The following SETBP1 variants were observed in gnomAD, a reference collection of about 807,000 sequenced individuals.
SETBP1 encodes the protein SET-binding protein.
SETBP1 carries 9 observed loss-of-function variants against 101.0 expected under a neutral mutation model. The ratio of observed to expected loss-of-function variants is 0.09; its 90% CI spans 0.05 to 0.16. The LOEUF (loss-of-function observed/expected upper bound fraction) is 0.16. Among genes scored for constraint, SETBP1 ranks in the 10% least tolerant of loss-of-function variants. SETBP1 has a pLI of 1.00. For synonymous variants in SETBP1, 818 were observed against 788.5 expected (o/e 1.04, Z -0.63); for missense variants, 1,858 against 2,033.8 (o/e 0.91, Z 1.66).
At chr18:44,762,138 C>CTT (rs55990761) in intron 2 of SETBP1, among the ~76,000 whole-genome samples, 52,757 of 149,130 alleles carry the variant, frequency 0.35, 9,425 homozygotes, top group East Asian at 0.42. Flanking sequence ...CTTCTAAACA[C>CTT]TTTTTTTTTT....
In SETBP1 at chr18:44,951,353, A is replaced by G. The variant is rs1476886999; in HGVS notation, c.2013A>G (p.Thr671=). The G allele has an allele frequency of 6.2e-7, 1 of 1,614,022 alleles. No homozygotes were observed. Among genetic ancestry groups the G allele is most frequent in the Admixed American group, 1.7e-5 (1 of 60,024 alleles). ...KTIKTINKMK[T]LKRKNILNQI... is the part of the protein sequence containing the mutation. Reference sequence around the variant, plus strand: ...TCAAAACTATCAATAAGATGAAGACACTCAAGAGGAAAAACATCTTGAATC... The same window carrying G: ...TCAAAACTATCAATAAGATGAAGACGCTCAAGAGGAAAAACATCTTGAATC... The change falls in exon 4 of 6, where the codon ACA becomes ACG. Residue 671 remains threonine, a synonymous_variant. Transcript: ENST00000649279. The surrounding 1 kb of genome is among the most constrained non-coding windows in gnomAD (Gnocchi z 7.8).
At chr18:44,948,986 A>ATT (rs11395580) in intron 3 of SETBP1, among the ~76,000 whole-genome samples, 43 of 151,382 alleles carry the variant, frequency 2.8e-4, no homozygotes, top group East Asian at 5.8e-4. Context: ...AATGACAACT[A>ATT]TTTTTTTTTC....
chr18:44,866,453 T>C (rs968478171), intron 2 of SETBP1, among the ~76,000 whole-genome samples: 25 of 152,376 alleles, frequency 1.6e-4, no homozygotes, highest in African/African-American at 5.3e-4. Flanking sequence ...TATTTAGTGA[T>C]AATTTTATGT....
chr18:44,941,272 C>T (rs1599353330), intron 3 of SETBP1, among the ~76,000 whole-genome samples: 1 of 151,534 alleles, frequency 6.6e-6, no homozygotes, highest in African/African-American at 2.4e-5. Flanking sequence ...TTTTAGTAGA[C>T]ACGGGGTTTT....
intron 4 of SETBP1, among the ~76,000 whole-genome samples, chr18:45,023,326 T>C (rs2073105206): frequency 6.6e-6 from 1 of 152,238 alleles, no homozygotes; most frequent in South Asian, 2.1e-4. Context: ...ATGGGTGATC[T>C]TTTCGGCTCA....
Position 44,953,237 on chromosome 18 carries a change from AAGG to A in SETBP1, c.3903_3905del (p.Arg1301del), listed in dbSNP as rs754546927. 3 of 1,614,046 alleles carry A rather than the reference AAGG, an allele frequency of 1.9e-6. No individual in the cohort carries two copies. The highest frequency in any genetic ancestry group is 1.3e-5 in the African/African-American group (1 of 74,926). On this transcript the variant is annotated inframe_deletion, in exon 4 of 6. Coordinates refer to ENST00000649279, the MANE Select transcript of SETBP1 (RefSeq NM_015559.3). ...GGGACAGTGACGTGAGTGGGAGTAA[AAGG>A]AGGAGCTATGAAGGCTTTGGAACGT... is the stretch of plus-strand genomic sequence containing the variant.
chr18:45,043,806 A>G (rs1599487637), intron 5 of SETBP1, among the ~76,000 whole-genome samples: 1 of 152,212 alleles, frequency 6.6e-6, no homozygotes, highest in Non-Finnish European at 1.5e-5. Context: ...ATTAATTACC[A>G]TTACAAATAA....
intron 4 of SETBP1, among the ~76,000 whole-genome samples, chr18:44,995,778 CACAGG>C (rs2072485985): frequency 1.3e-5 from 2 of 152,080 alleles, no homozygotes. Flanking sequence ...ACTGTCTCCT[CACAGG>C]ACAGAATAGC....
chr18:44,814,989 T>C (rs975172079), intron 2 of SETBP1, among the ~76,000 whole-genome samples: 1 of 135,212 alleles, frequency 7.4e-6, no homozygotes, highest in Admixed American at 7.7e-5. Context: ...CCCTCTAATA[T>C]CATAAGCATA....
At chr18:45,030,610 G>A (rs906863915) in intron 4 of SETBP1, among the ~76,000 whole-genome samples, 4 of 150,332 alleles carry the variant, frequency 2.7e-5, no homozygotes, top group South Asian at 2.1e-4. Context: ...TTGTACCTCC[G>A]GTGGAATTCA....
At chr18:44,694,212 C>G (rs1168743270) in intron 1 of SETBP1, among the ~76,000 whole-genome samples, 1 of 152,134 alleles carries the variant, frequency 6.6e-6, no homozygotes, top group Non-Finnish European at 1.5e-5. Flanking sequence ...TTTGCTCGTT[C>G]TTATGGTGTA....
At chr18:44,758,981 G>A (rs771755249) in intron 2 of SETBP1, among the ~76,000 whole-genome samples, 2 of 151,620 alleles carry the variant, frequency 1.3e-5, no homozygotes, top group Non-Finnish European at 2.9e-5. Context: ...CTGGCCCGTG[G>A]TCTACACCCA....
chr18:44,784,116 T>C (rs1047260358), intron 2 of SETBP1, among the ~76,000 whole-genome samples: 6 of 152,214 alleles, frequency 3.9e-5, no homozygotes, highest in African/African-American at 1.4e-4. Flanking sequence ...CACTAAAAAT[T>C]ATGTTTTGAG....
chr18:44,763,956 C>T (rs1310651793), intron 2 of SETBP1, among the ~76,000 whole-genome samples: 1 of 152,196 alleles, frequency 6.6e-6, no homozygotes, highest in African/African-American at 2.4e-5. Flanking sequence ...ATATCATTTA[C>T]ACACATAGAA....
At position 44,701,447 on chromosome 18, in the gene SETBP1, C is replaced by T; in HGVS notation, c.101C>T (p.Ala34Val). Residue 34 changes from alanine (A) to valine (V), a missense_variant, in exon 2 of 6, where the codon GCA becomes GTA. By Grantham distance (64) the Ala-to-Val change is moderately conservative (BLOSUM62 0). Coordinates refer to ENST00000649279, the MANE Select transcript of SETBP1 (RefSeq NM_015559.3). ...AAGCCCCCAGCTGCTCCTGGCTGTGCAGGAGAACCTTTGCTCTCCACTCCA... is the reference window on the plus strand; with the variant it reads ...AAGCCCCCAGCTGCTCCTGGCTGTGTAGGAGAACCTTTGCTCTCCACTCCA... ...SAKPPAAPGC[A>V]GEPLLSTPGP... 1.2e-6 allele frequency: 2 copies of T among 1,611,324 alleles called. No individual in the cohort carries two copies. The highest frequency in any genetic ancestry group is 1.7e-5 in the Admixed American group (1 of 59,686).
rs867661499 is a variant in SETBP1, at chr18:44,819,927, G to T, written c.487-49303G>T. ...CAAAAAGTAAGGACTCAACAACCAG[G>T]TTAGGGCGAAGAAGGATCATTCTTT... On this transcript the variant is annotated intron_variant, in intron 2 of 5. Coordinates refer to ENST00000649279, the MANE Select transcript of SETBP1 (RefSeq NM_015559.3). Among the ~76,000 whole-genome samples the T allele has an allele frequency of 5.9e-5, 9 of 152,144 alleles. 1 individual carries two copies. The South Asian group carries it at 1.2e-3, about 21-fold the overall frequency.
chr18:44,869,584 C>A, intron 3 of SETBP1: 6 of 365,878 alleles, frequency 1.6e-5, no homozygotes, highest in Non-Finnish European at 2.7e-5. Context: ...AGGGTTAAAC[C>A]AATGGCGGCA....
intron 4 of SETBP1, among the ~76,000 whole-genome samples, chr18:45,030,126 C>T (rs528117133): frequency 4.0e-5 from 6 of 149,400 alleles, no homozygotes; most frequent in Admixed American, 1.3e-4. Context: ...TTGCCCATTC[C>T]GTATGATATT....
At chr18:44,873,511 G>A (rs538587947) in intron 3 of SETBP1, among the ~76,000 whole-genome samples, 14 of 152,256 alleles carry the variant, frequency 9.2e-5, no homozygotes, top group East Asian at 1.9e-4. Flanking sequence ...CAGGGAGGTC[G>A]TCCCGGCAGA....
Sources: allele counts gnomAD v4.1 joint callset (sites outside exome capture counted in the v4.1 genomes callset), GRCh38; gene constraint gnomAD v4.1.1; non-coding constraint Gnocchi (gnomAD v3.1); transcripts MANE v1.5; gene names NCBI Gene and HGNC (gene_info 2026-07-23, HGNC 2026-07-21).